The following AOX1 variants were observed in gnomAD, a reference collection of about 807,000 sequenced individuals.
AOX1 encodes the protein aldehyde oxidase.
Under a neutral mutation model 169.5 loss-of-function variants are expected in AOX1, and 153 were observed. The observed-to-expected ratio is 0.90, with a 90% CI of 0.79 to 1.03. The LOEUF is 1.03. AOX1 is among the 50% of genes least tolerant of loss of function. AOX1 has a pLI of 0.00. For synonymous variants in AOX1, 562 were observed against 581.9 expected (o/e 0.97, Z 0.49); for missense variants, 1,656 against 1,663.9 (o/e 1.00, Z 0.08).
intron 4 of AOX1, among the ~76,000 whole-genome samples, chr2:200,598,445 A>G (rs776349018): frequency 2.2e-4 from 34 of 152,156 alleles, no homozygotes; most frequent in Non-Finnish European, 4.4e-4. Flanking sequence ...TATATTGCCC[A>G]TAAGAATGCC....
intron 24 of AOX1, 46 bp downstream of exon 24, chr2:200,641,230 C>T (rs11887334): frequency 0.27 from 344,020 of 1,285,376 alleles, 49,171 homozygotes; most frequent in East Asian, 0.5. Context: ...AAGAGTGTTA[C>T]ATAAAATAAT....
chr2:200,661,442 A>C, intron 29 of AOX1, 137 bp from the exon 30 acceptor site: 5 of 677,640 alleles, frequency 7.4e-6, no homozygotes, highest in Non-Finnish European at 1.0e-5. Flanking sequence ...GCCAAAAGGA[A>C]TGGATTAATC....
At chr2:200,668,555 C>T in intron 32 of AOX1, 60 bp from the exon 33 acceptor site, 2 of 1,404,642 alleles carry the variant, frequency 1.4e-6, no homozygotes, top group Non-Finnish European at 1.9e-6. Context: ...AGTTGAAATG[C>T]TACTTAGTGT....
rs1218416632 is a variant in AOX1, at chr2:200,604,711, C to T, written c.685C>T (p.Gln229Ter). 1 of 1,614,062 alleles carries T rather than the reference C, an allele frequency of 6.2e-7. No individual in the cohort carries two copies. Among genetic ancestry groups the T allele is most frequent in the Non-Finnish European group, 8.5e-7 (1 of 1,179,978 alleles). Residue 229 changes from glutamine (Q) to a stop codon, truncating the protein, a stop_gained, in exon 9 of 35, where the codon CAG (glutamine) becomes TAG (stop). Coordinates refer to ENST00000374700, the MANE Select transcript of AOX1 (RefSeq NM_001159.4). LOFTEE classifies it high-confidence loss of function. ...TTTTCAATAGATAATGGCTGAGAAA[C>T]AGTCGCAAAGGACCAGGGTGTTTGG... ...PPELMIMAEK[Q>*]SQRTRVFGSE... is the part of the protein sequence containing the mutation.
At chr2:200,623,312 C>T (rs530119212) in intron 18 of AOX1, among the ~76,000 whole-genome samples, 1 of 152,336 alleles carries the variant, frequency 6.6e-6, no homozygotes, top group African/African-American at 2.4e-5. Flanking sequence ...TGTCAACCCC[C>T]CCAGGAAGGG....
At chr2:200,643,412 TAC>T (rs1553575174) in intron 25 of AOX1, among the ~76,000 whole-genome samples, 1 of 150,094 alleles carries the variant, frequency 6.7e-6, no homozygotes, top group East Asian at 1.9e-4. Context: ...TATATATATA[TAC>T]ATACATACAT....
chr2:200,650,150 T>A (rs1361967566), intron 25 of AOX1, among the ~76,000 whole-genome samples: 1 of 152,210 alleles, frequency 6.6e-6, no homozygotes, highest in East Asian at 1.9e-4. Flanking sequence ...AACTCTCTCC[T>A]GATGTCCTGC....
At chr2:200,679,862 G>A (rs574616689), downstream of AOX1, among the ~76,000 whole-genome samples, 22 of 152,144 alleles carry the variant, frequency 1.4e-4, no homozygotes, top group South Asian at 2.1e-3. Context: ...TGGGAGGATC[G>A]CTTGAGCCAA....
intron 24 of AOX1, among the ~76,000 whole-genome samples, chr2:200,642,258 T>C (rs906597354): frequency 1.3e-5 from 2 of 152,162 alleles, no homozygotes; most frequent in African/African-American, 2.4e-5. Flanking sequence ...TGCCAAAACA[T>C]TTTTTTCTGT....
At chr2:200,640,050 A>G (rs1442347131) in intron 23 of AOX1, among the ~76,000 whole-genome samples, 1 of 151,896 alleles carries the variant, frequency 6.6e-6, no homozygotes, top group African/African-American at 2.4e-5. Context: ...AAAAAAAAAA[A>G]AAAAGAATGG....
chr2:200,619,335 C>G (rs574191478), intron 16 of AOX1, among the ~76,000 whole-genome samples: 3 of 152,162 alleles, frequency 2.0e-5, no homozygotes, highest in Non-Finnish European at 2.9e-5. Context: ...TAGCTTTTCT[C>G]TGACCTCAAC....
rs1429570704 is a variant in AOX1 at position 200,627,461 on chromosome 2, T to C, written c.2221+12T>C. ...TCAAATTCTTGAAGGTAAAAAGTAA[T>C]GGAAGAGTAAACAACCCTGGAAGTC... On this transcript the variant is annotated intron_variant, in intron 20 of 34. Coordinates refer to ENST00000374700, the MANE Select transcript of AOX1 (RefSeq NM_001159.4). 12 of 1,582,548 alleles carry C rather than the reference T, an allele frequency of 7.6e-6. No homozygotes were observed. Among genetic ancestry groups the C allele is most frequent in the East Asian group, 4.5e-5 (2 of 44,710 alleles).
In AOX1 at chr2:200,641,185, G is replaced by T. The variant is rs199507417; in HGVS notation, c.2655+1G>T. On this transcript the variant is annotated splice_donor_variant, in intron 24 of 34. Coordinates refer to ENST00000374700, the MANE Select transcript of AOX1 (RefSeq NM_001159.4). LOFTEE classifies it high-confidence loss of function. ...CGCCTCCTTGGATGAATCATTATTC[G>T]TAAGTGTTTTAAGGAGCAAGTTCAC... is the stretch of plus-strand genomic sequence containing the variant. 3 of 1,602,974 alleles carry T rather than the reference G, an allele frequency of 1.9e-6. No homozygotes were observed. The African/African-American group carries it at 4.0e-5, about 21-fold the overall frequency.
rs528611253 is a variant in AOX1 at position 200,592,581 on chromosome 2, A to G, written c.46-565A>G. On this transcript the variant is annotated intron_variant, in intron 1 of 34. Coordinates refer to ENST00000374700, the MANE Select transcript of AOX1 (RefSeq NM_001159.4). ...GCTGCTCCCATGAACTTGCCTAAGTATGTCCTTGCTGCACAGTTTTGCATC... is the reference window on the plus strand; with the variant it reads ...GCTGCTCCCATGAACTTGCCTAAGTGTGTCCTTGCTGCACAGTTTTGCATC... 7.9e-5 allele frequency among the ~76,000 whole-genome samples: 12 copies of G among 152,288 alleles called. No homozygotes were observed. The South Asian group carries it at 2.5e-3, about 32-fold the overall frequency.
intron 20 of AOX1, among the ~76,000 whole-genome samples, chr2:200,629,515 T>C (rs1390215588): frequency 2.0e-5 from 3 of 152,202 alleles, no homozygotes; most frequent in African/African-American, 7.2e-5. Context: ...ACTGAGGATA[T>C]TTATGAGACC....
chr2:200,641,238 A>T (rs938698772), intron 24 of AOX1, 54 bp downstream of exon 24: 9 of 1,240,306 alleles, frequency 7.3e-6, no homozygotes, highest in Non-Finnish European at 1.1e-5. Flanking sequence ...TACATAAAAT[A>T]ATTTAACTTA....
rs200230521 is a variant in AOX1 at position 200,595,322 on chromosome 2, T to G, written c.154T>G (p.Cys52Gly). Residue 52 changes from cysteine to glycine, a missense_variant, in exon 3 of 35, where the codon TGT (cysteine) becomes GGT (glycine). Transcript: ENST00000374700. ...YGCGGGGCGA[C>G]TVMISRYNPI... ...CTGTGGAGGAGGAGGCTGTGGTGCT[T>G]GTACAGTGATGATATCACGATACAA... is the stretch of plus-strand genomic sequence containing the variant. 1 of 1,613,254 alleles carries G rather than the reference T, an allele frequency of 6.2e-7. No homozygotes were observed. The highest frequency in any genetic ancestry group is 1.3e-5 in the African/African-American group (1 of 75,004).
At chr2:200,612,914 A>G (rs1048705798) in intron 14 of AOX1, 121 bp downstream of exon 14, 1 of 722,200 alleles carries the variant, frequency 1.4e-6, no homozygotes, top group Admixed American at 3.1e-5. Context: ...TTTCTATTTA[A>G]TGGCTGGGAA....
chr2:200,666,795 A>T (rs776476808), intron 32 of AOX1, 43 bp downstream of exon 32: 1 of 1,450,240 alleles, frequency 6.9e-7, no homozygotes, highest in African/African-American at 1.4e-5. Context: ...TGTAAAAGCC[A>T]AAAGTGCGGT....
Sources: allele counts gnomAD v4.1 joint callset (sites outside exome capture counted in the v4.1 genomes callset), GRCh38; gene constraint gnomAD v4.1.1; transcripts MANE v1.5; gene names NCBI Gene and HGNC (gene_info 2026-07-23, HGNC 2026-07-21).